The following ZNG1E variants were observed in gnomAD, a reference collection of about 807,000 sequenced individuals.
ZNG1E encodes Zn regulated GTPase metalloprotein activator 1E.
the ZNG1E span, among the ~76,000 whole-genome samples, chr9:65,677,669 G>A: frequency 2.6e-5 from 4 of 152,222 alleles, no homozygotes; most frequent in East Asian, 1.9e-4. Flanking sequence ...ATCCGACTGC[G>A]TCACACCTTT....
At chr9:65,684,366 G>A in the ZNG1E span, among the ~76,000 whole-genome samples, 2 of 150,272 alleles carry the variant, frequency 1.3e-5, no homozygotes, top group East Asian at 1.9e-4. Flanking sequence ...GTGAAATCCA[G>A]TCTCTACTGA....
chr9:65,671,625 T>A, the ZNG1E span, among the ~76,000 whole-genome samples: 1 of 152,248 alleles, frequency 6.6e-6, no homozygotes. Context: ...TGGCTGAGAT[T>A]GCTTTTTTCT....
At chr9:65,693,729 G>T in the ZNG1E span, among the ~76,000 whole-genome samples, 1 of 151,484 alleles carries the variant, frequency 6.6e-6, no homozygotes, top group East Asian at 1.9e-4. Context: ...AGCTAATTTT[G>T]TATTTTTAGT....
the ZNG1E span, among the ~76,000 whole-genome samples, chr9:65,722,548 G>T: frequency 1.4e-5 from 1 of 72,720 alleles, no homozygotes; most frequent in Non-Finnish European, 2.5e-5. Flanking sequence ...TTGAGACGGA[G>T]TCTCACTCCG....
the ZNG1E span, among the ~76,000 whole-genome samples, chr9:65,671,423 A>C: frequency 6.6e-6 from 1 of 151,820 alleles, no homozygotes; most frequent in Non-Finnish European, 1.5e-5. Context: ...GGGTTCAAGC[A>C]ATTCTTTTGC....
chr9:65,679,805 G>A, the ZNG1E span, among the ~76,000 whole-genome samples: 4 of 152,188 alleles, frequency 2.6e-5, no homozygotes, highest in Admixed American at 6.5e-5. Flanking sequence ...CACCCGCCTC[G>A]GCCTCCCAAA....
At chr9:65,668,384 A>G in the ZNG1E span, among the ~76,000 whole-genome samples, 3 of 139,808 alleles carry the variant, frequency 2.1e-5, no homozygotes, top group East Asian at 6.1e-4. Flanking sequence ...AGTAAAATTG[A>G]GGTTAGTGAA....
At chr9:65,658,397 T>C in the ZNG1E span, among the ~76,000 whole-genome samples, 1 of 151,202 alleles carries the variant, frequency 6.6e-6, no homozygotes, top group South Asian at 2.1e-4. Context: ...AGCAAAAATA[T>C]AGAAAATGAG....
chr9:65,691,555 A>T, the ZNG1E span, among the ~76,000 whole-genome samples: 1 of 152,256 alleles, frequency 6.6e-6, no homozygotes, highest in Non-Finnish European at 1.5e-5. Context: ...CTCAACTTCC[A>T]ATTTAGTGCT....
the ZNG1E span, among the ~76,000 whole-genome samples, chr9:65,689,783 C>T: frequency 6.7e-6 from 1 of 149,450 alleles, no homozygotes; most frequent in East Asian, 2.0e-4. Flanking sequence ...AGTAGTGATA[C>T]AGTAGATTTA....
chr9:65,705,666 A>AT, the ZNG1E span, among the ~76,000 whole-genome samples: 3 of 101,258 alleles, frequency 3.0e-5, no homozygotes, highest in South Asian at 1.3e-3. Flanking sequence ...AAGATTTTGT[A>AT]TTCCAGGGAC....
the ZNG1E span, among the ~76,000 whole-genome samples, chr9:65,724,310 TAA>T: frequency 6.6e-6 from 1 of 150,966 alleles, no homozygotes; most frequent in Admixed American, 6.6e-5. Flanking sequence ...TTAAAAATAT[TAA>T]GTCACATATT....
the ZNG1E span, among the ~76,000 whole-genome samples, chr9:65,661,706 A>G: frequency 6.6e-6 from 1 of 152,206 alleles, no homozygotes; most frequent in Admixed American, 6.5e-5. Context: ...AATTCAGTGT[A>G]TTGTATAAAC....
the ZNG1E span, among the ~76,000 whole-genome samples, chr9:65,676,533 C>G: frequency 9.6e-3 from 1,427 of 147,912 alleles, 94 homozygotes; most frequent in East Asian, 0.12. Context: ...TAAAGGATGT[C>G]CCGTCTGTAA....
At chr9:65,686,618 G>C in the ZNG1E span, among the ~76,000 whole-genome samples, 1 of 152,206 alleles carries the variant, frequency 6.6e-6, no homozygotes, top group Non-Finnish European at 1.5e-5. Flanking sequence ...CTGGGTGACA[G>C]AGCGAGACTC....
At chr9:65,687,542 T>C in the ZNG1E span, among the ~76,000 whole-genome samples, 3 of 152,256 alleles carry the variant, frequency 2.0e-5, no homozygotes, top group African/African-American at 7.2e-5. Context: ...TCCTAGTGTT[T>C]GATTGGCTGG....
At chr9:65,715,395 T>A in the ZNG1E span, among the ~76,000 whole-genome samples, 1 of 150,808 alleles carries the variant, frequency 6.6e-6, no homozygotes, top group African/African-American at 2.5e-5. Flanking sequence ...ACCGGAGCTG[T>A]TCCTATTCGG....
chr9:65,685,140 T>C, the ZNG1E span, among the ~76,000 whole-genome samples: 1 of 152,214 alleles, frequency 6.6e-6, no homozygotes, highest in Admixed American at 6.5e-5. Flanking sequence ...CATACCTTAA[T>C]TAAAAATATT....
chr9:65,684,953 GA>G, the ZNG1E span, among the ~76,000 whole-genome samples: 3 of 151,996 alleles, frequency 2.0e-5, no homozygotes, highest in African/African-American at 7.2e-5. Context: ...TACTTGGGAG[GA>G]TCACTTGAGC....
Sources: allele counts gnomAD v4.1 joint callset (sites outside exome capture counted in the v4.1 genomes callset), GRCh38; gene constraint gnomAD v4.1.1; transcripts MANE v1.5; gene names NCBI Gene and HGNC (gene_info 2026-07-23, HGNC 2026-07-21).